The following FRMD4A variants were observed in gnomAD, a reference collection of about 807,000 sequenced individuals.
FRMD4A encodes FERM domain containing 4A, also known as FERM domain-containing protein 4A.
Under a neutral mutation model 129.1 loss-of-function variants are expected in FRMD4A, and 29 were observed. That is an observed-to-expected ratio of 0.22 (90% CI 0.17 to 0.31). The LOEUF (loss-of-function observed/expected upper bound fraction) is 0.31. FRMD4A is among the 10% of genes least tolerant of loss of function. The pLI is 1.00. For missense variants in FRMD4A, 1,272 were observed against 1,375.8 expected (o/e 0.92, Z 1.19); for synonymous variants, 634 against 571.6 (o/e 1.11, Z -1.56).
chr10:14,253,948 C>A (rs537836925), intron 2 of FRMD4A, among the ~76,000 whole-genome samples: 1 of 152,098 alleles, frequency 6.6e-6, no homozygotes, highest in African/African-American at 2.4e-5. Flanking sequence ...AGAGACCTTT[C>A]GACACCTCCA....
In FRMD4A at chr10:14,184,220, C is replaced by T. The variant is rs1417349084; in HGVS notation, c.45+145838G>A. 4.8e-5 allele frequency among the ~76,000 whole-genome samples: 7 copies of T among 146,330 alleles called. No individual in the cohort carries two copies. The East Asian group carries it at 1.4e-3, about 30-fold the overall frequency. On this transcript the variant is annotated intron_variant, in intron 2 of 24. Coordinates refer to ENST00000357447, the MANE Select transcript of FRMD4A (RefSeq NM_018027.5). ...CATCTCGGCTCACTGCAAACTCTGC[C>T]TCCTGGGTTCAAGCGATTCTCCTGC...
intron 3 of FRMD4A, among the ~76,000 whole-genome samples, chr10:13,822,569 G>A (rs943275883): frequency 6.6e-6 from 1 of 152,176 alleles, no homozygotes. Context: ...GTTCTACCAC[G>A]AGACAGGATG....
In FRMD4A at chr10:13,747,364, C is replaced by T. The variant is rs187703524; in HGVS notation, c.548+372G>A. Reference sequence around the variant, plus strand: ...CCAGCCTGGCCAACATGGTGAAACCCGGTCTCTACTAAAAATACAAAAATT... The same window carrying T: ...CCAGCCTGGCCAACATGGTGAAACCTGGTCTCTACTAAAAATACAAAAATT... On this transcript the variant is annotated intron_variant, in intron 9 of 24. Coordinates refer to ENST00000357447, the MANE Select transcript of FRMD4A (RefSeq NM_018027.5). 2.9e-3 allele frequency among the ~76,000 whole-genome samples: 432 copies of T among 151,508 alleles called. 3 individuals carry two copies. Among genetic ancestry groups the T allele is most frequent in the African/African-American group, 9.8e-3 (406 of 41,324 alleles).
At chr10:14,107,375 A>C (rs1200701344) in intron 2 of FRMD4A, among the ~76,000 whole-genome samples, 2 of 152,242 alleles carry the variant, frequency 1.3e-5, no homozygotes, top group Non-Finnish European at 2.9e-5. Context: ...GTAATAAAAT[A>C]AACCAAAAGT....
intron 2 of FRMD4A, among the ~76,000 whole-genome samples, chr10:14,113,827 T>C (rs1168539201): frequency 2.6e-5 from 4 of 152,170 alleles, no homozygotes; most frequent in African/African-American, 9.7e-5. Context: ...CTTCCTCTTC[T>C]TTCTCCTCCT....
intron 15 of FRMD4A, among the ~76,000 whole-genome samples, chr10:13,682,470 G>GAGACATCA: frequency 6.7e-6 from 1 of 150,192 alleles, no homozygotes; most frequent in Admixed American, 6.6e-5. Context: ...AATCCTCACA[G>GAGACATCA]AGACATCATT....
chr10:14,160,286 C>A (rs10752333), intron 2 of FRMD4A, among the ~76,000 whole-genome samples: 44,097 of 151,886 alleles, frequency 0.29, 7,250 homozygotes, highest in East Asian at 0.5. Flanking sequence ...TAAAAAAATC[C>A]ATGCAAAAGT....
intron 2 of FRMD4A, chr10:13,971,954 C>A (rs4750440): frequency 0.58 from 697,125 of 1,208,054 alleles, 212,767 homozygotes; most frequent in Non-Finnish European, 0.64. Flanking sequence ...CTCTCCTCCC[C>A]CTACCTACCC....
chr10:14,100,993 G>T (rs1291005452), intron 2 of FRMD4A, among the ~76,000 whole-genome samples: 1 of 152,116 alleles, frequency 6.6e-6, no homozygotes, highest in Non-Finnish European at 1.5e-5. Flanking sequence ...TGTGATGTTT[G>T]GACTTCAGGC....
Position 14,330,109 on chromosome 10 carries a change from C to T in FRMD4A, c.-7G>A, listed in dbSNP as rs1046678240. 9.7e-6 allele frequency: 15 copies of T among 1,552,124 alleles called. No homozygotes were observed. The highest frequency in any genetic ancestry group is 8.2e-5 in the African/African-American group (6 of 73,058). ...GCACCAGCTGCACTGCCATGGTCTC[C>T]GATTCCCATGCACGAATCCTGCTGC... is the stretch of plus-strand genomic sequence containing the variant. On this transcript the variant is annotated 5_prime_UTR_variant, in exon 2 of 25. Transcript: ENST00000357447.
At chr10:13,792,217 C>A (rs911519947) in intron 5 of FRMD4A, among the ~76,000 whole-genome samples, 1 of 152,212 alleles carries the variant, frequency 6.6e-6, no homozygotes, top group African/African-American at 2.4e-5. Flanking sequence ...TTGTCCTGAA[C>A]ACCATCTTTG....
chr10:13,819,147 A>G (rs1040540526), intron 3 of FRMD4A, among the ~76,000 whole-genome samples: 3 of 118,080 alleles, frequency 2.5e-5, no homozygotes, highest in Non-Finnish European at 6.1e-5. Flanking sequence ...AAAACAAAAC[A>G]AAACAAAATC....
intron 12 of FRMD4A, among the ~76,000 whole-genome samples, chr10:13,717,690 T>C (rs7919896): frequency 0.017 from 1,264 of 74,792 alleles, 24 homozygotes; most frequent in African/African-American, 0.054. Context: ...CCTGTTGTTC[T>C]TGTTTTTTTT....
intron 2 of FRMD4A, among the ~76,000 whole-genome samples, chr10:13,953,817 C>A (rs965553157): frequency 6.6e-6 from 1 of 152,148 alleles, no homozygotes; most frequent in Non-Finnish European, 1.5e-5. Flanking sequence ...TGGTACTATT[C>A]GAGGTTTCAG....
intron 24 of FRMD4A, among the ~76,000 whole-genome samples, chr10:13,650,642 G>C (rs973590751): frequency 6.6e-6 from 1 of 152,122 alleles, no homozygotes; most frequent in African/African-American, 2.4e-5. Context: ...GGGGGAGGGG[G>C]TCTACCTTCC....
In FRMD4A at chr10:13,713,986, CATATATAATAT is replaced by C. The variant is rs1564672162; in HGVS notation, c.760-6884_760-6874del. On this transcript the variant is annotated intron_variant, in intron 12 of 24. Coordinates refer to ENST00000357447, the MANE Select transcript of FRMD4A (RefSeq NM_018027.5). The stretch of plus-strand genomic sequence containing the variant: ...ATAATATATACATATATGTAATATA[CATATATAATAT>C]ACATATATAATATACATATATAAAA... Among the ~76,000 whole-genome samples the C allele has an allele frequency of 1.4e-4, 10 of 74,072 alleles. No individual in the cohort carries two copies. In the East Asian group the frequency reaches 1.5e-3, roughly 11 times the overall value. The allele number at this position is 74,072 out of a possible 152,430, so 48.6% of individuals were successfully genotyped here. A position where few individuals can be genotyped will look rare whatever the true frequency, so the allele number is the denominator to read the frequency against.
chr10:13,846,016 C>A (rs779919022), intron 3 of FRMD4A, among the ~76,000 whole-genome samples: 1 of 152,136 alleles, frequency 6.6e-6, no homozygotes, highest in Non-Finnish European at 1.5e-5. Context: ...CTTCTCTGTG[C>A]CCCAATTTCC....
chr10:14,073,529 A>T (rs1835414785), intron 2 of FRMD4A, among the ~76,000 whole-genome samples: 1 of 152,186 alleles, frequency 6.6e-6, no homozygotes, highest in South Asian at 2.1e-4. Context: ...CCAAAGCAAA[A>T]TAACACTGGG....
intron 2 of FRMD4A, chr10:14,326,742 T>C: frequency 2.5e-6 from 1 of 397,766 alleles, no homozygotes; most frequent in Admixed American, 4.4e-5. Context: ...CTTGCAGCTT[T>C]CCCTGAACTC....
Sources: allele counts gnomAD v4.1 joint callset (sites outside exome capture counted in the v4.1 genomes callset), GRCh38; gene constraint gnomAD v4.1.1; transcripts MANE v1.5; gene names NCBI Gene and HGNC (gene_info 2026-07-23, HGNC 2026-07-21).